Variants in MDFIC observed in about 807,000 individuals in gnomAD.
MDFIC encodes the protein MyoD family inhibitor domain containing.
MDFIC carries 17 observed loss-of-function variants against 23.2 expected under a neutral mutation model. The observed-to-expected ratio is 0.73, with a 90% CI of 0.50 to 1.10. The LOEUF (loss-of-function observed/expected upper bound fraction) is 1.10, where lower values mean the gene tolerates loss of function less well. MDFIC is among the 50% of genes least tolerant of loss of function. The pLI is 0.00. For synonymous variants in MDFIC, 120 were observed against 115.2 expected (o/e 1.04, Z -0.27); for missense variants, 356 against 316.6 (o/e 1.12, Z -0.95).
intron 3 of MDFIC, among the ~76,000 whole-genome samples, chr7:114,968,869 A>G (rs1793152218): frequency 6.6e-6 from 1 of 152,196 alleles, no homozygotes. Flanking sequence ...CCAGAAATAA[A>G]TTTAATTTTG....
intron 3 of MDFIC, among the ~76,000 whole-genome samples, chr7:114,974,017 A>T (rs1470597095): frequency 6.6e-6 from 1 of 152,164 alleles, no homozygotes; most frequent in Non-Finnish European, 1.5e-5. Context: ...TTGCCAGGGA[A>T]CTAAAGAAAC....
intron 4 of MDFIC, among the ~76,000 whole-genome samples, chr7:115,007,181 G>A (rs1037000112): frequency 1.3e-5 from 2 of 152,128 alleles, no homozygotes; most frequent in Non-Finnish European, 1.5e-5. Context: ...TCCGATGTCC[G>A]TGTGGTAATC....
intron 3 of MDFIC, among the ~76,000 whole-genome samples, chr7:114,953,446 A>C (rs545909686): frequency 4.0e-4 from 61 of 152,350 alleles, no homozygotes; most frequent in Middle Eastern, 3.4e-3. Context: ...AGAACTTCTG[A>C]TTATTTCAAC....
intron 2 of MDFIC, among the ~76,000 whole-genome samples, chr7:114,928,213 G>GA (rs1484304582): frequency 6.6e-6 from 1 of 151,882 alleles, no homozygotes; most frequent in Non-Finnish European, 1.5e-5. Flanking sequence ...ATGTAACTGG[G>GA]AAAAAACTAA....
At chr7:114,928,020 G>A (rs1294414479) in intron 2 of MDFIC, among the ~76,000 whole-genome samples, 2 of 152,174 alleles carry the variant, frequency 1.3e-5, no homozygotes, top group Non-Finnish European at 2.9e-5. Context: ...ATGTAGATTT[G>A]AAAGAGGATT....
chr7:115,018,928 A>T lies in MDFIC; in HGVS notation c.*2993A>T, dbSNP rs1435903100. The T allele has an allele frequency of 2.0e-5, 3 of 152,002 alleles. No homozygotes were observed. The highest frequency in any genetic ancestry group is 2.9e-5 in the Non-Finnish European group (2 of 67,902). The allele number at this position is 152,002 out of a possible 1,614,324, so 9.4% of individuals were successfully genotyped here. On this transcript the variant is annotated 3_prime_UTR_variant, in exon 5 of 5. Transcript: ENST00000393486. ...CATGTCCGTAAATGAACTATGAAAG[A>T]TATCGATCAGTTTATGATCATTGAC...
intron 4 of MDFIC, among the ~76,000 whole-genome samples, chr7:114,992,291 G>T (rs1251931930): frequency 6.6e-6 from 1 of 152,230 alleles, no homozygotes; most frequent in Non-Finnish European, 1.5e-5. Context: ...TACGTCATCT[G>T]CAAACAGGGA....
At chr7:114,930,607 A>C (rs1792291029) in intron 2 of MDFIC, among the ~76,000 whole-genome samples, 2 of 152,138 alleles carry the variant, frequency 1.3e-5, no homozygotes, top group South Asian at 4.1e-4. Flanking sequence ...GATCTTGTTG[A>C]GATGATTTCA....
At chr7:114,977,542 C>A (rs775912366) in intron 3 of MDFIC, among the ~76,000 whole-genome samples, 24 of 152,122 alleles carry the variant, frequency 1.6e-4, no homozygotes, top group Admixed American at 3.9e-4. Flanking sequence ...CAAATGCAAG[C>A]CATACTTCTC....
intron 3 of MDFIC, among the ~76,000 whole-genome samples, chr7:114,963,804 T>A (rs1200199615): frequency 6.6e-6 from 1 of 152,196 alleles, no homozygotes; most frequent in Non-Finnish European, 1.5e-5. Flanking sequence ...GGTCTTGAAT[T>A]CATGGCCTCA....
intron 2 of MDFIC, among the ~76,000 whole-genome samples, chr7:114,931,491 C>T (rs534245006): frequency 8.7e-4 from 133 of 152,270 alleles, no homozygotes; most frequent in African/African-American, 2.9e-3. Context: ...AAATATTTTT[C>T]GGTGTGCCTA....
chr7:115,018,190 C>G lies in MDFIC; in HGVS notation c.*2255C>G, dbSNP rs1342251691. ...TATACTATTTTACAGTAACCACAAT[C>G]TAAATATTTACATATACCCAAAATT... On this transcript the variant is annotated 3_prime_UTR_variant, in exon 5 of 5. Coordinates refer to ENST00000393486, the MANE Select transcript of MDFIC (RefSeq NM_001166345.3). The G allele has an allele frequency of 1.3e-5, 2 of 151,898 alleles. No homozygotes were observed. Among genetic ancestry groups the G allele is most frequent in the Non-Finnish European group, 2.9e-5 (2 of 67,854 alleles). 9.4% of individuals were successfully genotyped at this position (151,898 alleles called of 1,614,324 possible). A position where few individuals can be genotyped will look rare whatever the true frequency, so the allele number is the denominator to read the frequency against.
rs1356038671 is a variant in MDFIC at position 115,017,102 on chromosome 7, G to C, written c.*1167G>C. On this transcript the variant is annotated 3_prime_UTR_variant, in exon 5 of 5. Coordinates refer to ENST00000393486, the MANE Select transcript of MDFIC (RefSeq NM_001166345.3). ...TAGATTTTTGACAAAGATTTAGGTGGACACCCTAAACTGTGTGTGCCTTTA... is the reference window on the plus strand; with the variant it reads ...TAGATTTTTGACAAAGATTTAGGTGCACACCCTAAACTGTGTGTGCCTTTA... 1 of 152,168 alleles carries C rather than the reference G, an allele frequency of 6.6e-6. No individual in the cohort carries two copies. Among genetic ancestry groups the C allele is most frequent in the Non-Finnish European group, 1.5e-5 (1 of 68,026 alleles). 9.4% of individuals were successfully genotyped at this position (152,168 alleles called of 1,614,324 possible).
At chr7:114,931,976 C>T (rs1792316427) in intron 2 of MDFIC, among the ~76,000 whole-genome samples, 1 of 152,118 alleles carries the variant, frequency 6.6e-6, no homozygotes, top group Non-Finnish European at 1.5e-5. Flanking sequence ...GTGAATCCGC[C>T]CTGATCTTTC....
intron 4 of MDFIC, among the ~76,000 whole-genome samples, chr7:114,993,111 TC>T (rs1457424258): frequency 6.6e-6 from 1 of 152,232 alleles, no homozygotes; most frequent in African/African-American, 2.4e-5. Context: ...TTTATCCATT[TC>T]TTCTAGATTT....
intron 3 of MDFIC, among the ~76,000 whole-genome samples, chr7:114,965,643 G>C (rs1438516523): frequency 6.6e-6 from 1 of 152,172 alleles, no homozygotes; most frequent in African/African-American, 2.4e-5. Flanking sequence ...CAGGTGGTGG[G>C]GGATGAGCAG....
At chr7:114,927,950 C>T (rs1489336809) in intron 2 of MDFIC, among the ~76,000 whole-genome samples, 1 of 149,464 alleles carries the variant, frequency 6.7e-6, no homozygotes, top group African/African-American at 2.4e-5. Flanking sequence ...TGGTTTAAAA[C>T]ACTTTTTGAA....
chr7:114,982,873 G>A (rs571424479), intron 4 of MDFIC, among the ~76,000 whole-genome samples: 5 of 152,290 alleles, frequency 3.3e-5, no homozygotes, highest in Admixed American at 6.5e-5. Flanking sequence ...CCTTGGAAAG[G>A]GAGGAGCGTG....
At chr7:114,968,273 G>C (rs1237517993) in intron 3 of MDFIC, among the ~76,000 whole-genome samples, 1 of 152,112 alleles carries the variant, frequency 6.6e-6, no homozygotes, top group African/African-American at 2.4e-5. Flanking sequence ...CCCAAATCAT[G>C]CTCCAAAAAA....
Sources: allele counts gnomAD v4.1 joint callset (sites outside exome capture counted in the v4.1 genomes callset), GRCh38; gene constraint gnomAD v4.1.1; transcripts MANE v1.5; gene names NCBI Gene and HGNC (gene_info 2026-07-23, HGNC 2026-07-21).